The following MBOAT7 variants were observed in gnomAD, a reference collection of about 807,000 sequenced individuals.
MBOAT7 encodes the protein membrane bound acylglycerophosphatidylinositol O-acyltransferase MBOAT7.
A neutral mutation model predicts 47.4 loss-of-function variants in MBOAT7; 40 were observed. The ratio of observed to expected loss-of-function variants is 0.84; its 90% confidence interval spans 0.66 to 1.10. The LOEUF is 1.10. Ranked by LOEUF, MBOAT7 falls within the 50% of genes least tolerant of loss-of-function variation. The probability of loss-of-function intolerance (pLI) is 0.00; values close to 1 mark genes in which losing one functional copy is unlikely to be tolerated. For synonymous variants in MBOAT7, 361 were observed against 292.0 expected (o/e 1.24, Z -2.41); for missense variants, 680 against 655.6 (o/e 1.04, Z -0.41).
At chr19:54,174,475 C>T (rs763168141) in intron 7 of MBOAT7, 44 bp from the exon 8 acceptor site, 1 of 1,475,402 alleles carries the variant, frequency 6.8e-7, no homozygotes, top group Non-Finnish European at 8.9e-7. Context: ...TCCAGGTCCC[C>T]AGTGCCCACT....
At chr19:54,174,540 T>C (rs1358048361) in intron 7 of MBOAT7, 109 bp from the exon 8 acceptor site, 10 of 1,165,654 alleles carry the variant, frequency 8.6e-6, no homozygotes, top group Non-Finnish European at 1.1e-5. Context: ...GACCGAGAAG[T>C]GCAGGCCCAG....
rs2076204184 is a variant in MBOAT7, at chr19:54,179,339, T to C, written c.855-398A>G. ...GCAGTTGCCAGGGAAGTTGTGGTTA[T>C]CATCCCTAATAACAAGGTGCTTCAC... On this transcript the variant is annotated intron_variant, in intron 6 of 7. Transcript: ENST00000245615. The C allele has an allele frequency of 1.3e-5, 3 of 235,248 alleles. No homozygotes were observed. The South Asian group carries it at 3.0e-4, about 24-fold the overall frequency. 14.6% of individuals were successfully genotyped at this position (235,248 alleles called of 1,614,324 possible). A position where few individuals can be genotyped will look rare whatever the true frequency, so the allele number is the denominator to read the frequency against.
intron 3 of MBOAT7, among the ~76,000 whole-genome samples, chr19:54,187,620 G>A (rs1050547066): frequency 1.3e-5 from 2 of 152,156 alleles, no homozygotes; most frequent in South Asian, 2.1e-4. Flanking sequence ...GAATATGAAC[G>A]GTGGCCAGGC....
chr19:54,188,015 C>CAAGAAAGAAAGAAAAAGAA (rs1491140764), intron 3 of MBOAT7, among the ~76,000 whole-genome samples: 1 of 78,328 alleles, frequency 1.3e-5, no homozygotes, highest in African/African-American at 5.3e-5. Context: ...AACTCCATCT[C>CAAGAAAGAAAGAAAAAGAA]AGAAAGAAAG....
intron 3 of MBOAT7, 73 bp from the exon 4 acceptor site, chr19:54,187,360 G>A: frequency 2.7e-6 from 4 of 1,482,228 alleles, no homozygotes; most frequent in Non-Finnish European, 3.6e-6. Context: ...CACGAGTCCA[G>A]CCACCAATCC....
At chr19:54,188,882 C>A (rs1378044513) in intron 1 of MBOAT7, among the ~76,000 whole-genome samples, 8 of 152,132 alleles carry the variant, frequency 5.3e-5, no homozygotes, top group Admixed American at 2.6e-4. Flanking sequence ...CTTTTAAAAA[C>A]CCAGAAACGG....
At chr19:54,183,424 G>C in intron 5 of MBOAT7, 97 bp downstream of exon 5, 2 of 1,393,112 alleles carry the variant, frequency 1.4e-6, no homozygotes, top group African/African-American at 1.5e-5. Flanking sequence ...CTAGGATGGA[G>C]GTTGCCCTGG....
chr19:54,188,212 C>T lies in MBOAT7; in HGVS notation c.206+5G>A. The T allele has an allele frequency of 1.3e-6, 2 of 1,598,910 alleles. No homozygotes were observed. Among genetic ancestry groups the T allele is most frequent in the East Asian group, 2.2e-5 (1 of 44,654 alleles). On this transcript the variant is annotated splice_donor_5th_base_variant and intron_variant, in intron 3 of 7. Coordinates refer to ENST00000245615, the MANE Select transcript of MBOAT7 (RefSeq NM_024298.5). ...CTCCCTCTCCTCCCTCCACCAAATT[C>T]TCACCAGGGCTGGGCCTGAATGAGG...
At chr19:54,177,722 G>A (rs982901552) in intron 7 of MBOAT7, among the ~76,000 whole-genome samples, 3 of 151,440 alleles carry the variant, frequency 2.0e-5, no homozygotes, top group East Asian at 1.9e-4. Flanking sequence ...GATTATAGGC[G>A]CCCGCCACCA....
At chr19:54,186,272 C>T (rs2076425164) in intron 4 of MBOAT7, among the ~76,000 whole-genome samples, 1 of 152,164 alleles carries the variant, frequency 6.6e-6, no homozygotes, top group African/African-American at 2.4e-5. Context: ...GCCTCAGCCT[C>T]CCAAAGTGCT....
Position 54,180,949 on chromosome 19 carries a change from C to T in MBOAT7, c.678G>A (p.Pro226=), listed in dbSNP as rs529954463. 23 of 1,582,884 alleles carry T rather than the reference C, an allele frequency of 1.5e-5. No homozygotes were observed. In the Admixed American group the frequency reaches 1.7e-4, roughly 12 times the overall value. ...TCATGTAGAAGAGGCGGGCGGGCAG[C>T]GGGCGGGCGTAGAAGGCGTCCTCGC... ...AVREDAFYAR[P]LPARLFYMIP... Residue 226 remains proline, a synonymous_variant, in exon 6 of 8, where the codon CCG becomes CCA. Transcript: ENST00000245615. This position sits in a 1 kb window ranked among gnomAD's most constrained non-coding sequence, Gnocchi z 5.2.
intron 5 of MBOAT7, among the ~76,000 whole-genome samples, chr19:54,181,765 G>A (rs12974944): frequency 1.2e-4 from 3 of 24,788 alleles, no homozygotes; most frequent in Non-Finnish European, 2.3e-4. Flanking sequence ...GAAGGAAGGA[G>A]GGAGGGAAGG....
intron 7 of MBOAT7, among the ~76,000 whole-genome samples, chr19:54,175,046 G>C (rs1301751352): frequency 6.7e-6 from 1 of 149,748 alleles, no homozygotes; most frequent in Admixed American, 6.6e-5. Flanking sequence ...CGCGATCTTG[G>C]CTCACTGCAA....
At chr19:54,179,016 C>T (rs1215260320) in intron 6 of MBOAT7, 75 bp from the exon 7 acceptor site, 1 of 1,553,018 alleles carries the variant, frequency 6.4e-7, no homozygotes, top group Non-Finnish European at 8.7e-7. Flanking sequence ...TGCTAGTGTC[C>T]CAGCCCCGGA....
In MBOAT7 at chr19:54,174,308, CCCCCGCAGGGCTGACTCCAGCCGG is replaced by C; in HGVS notation, c.1131_1154del (p.Glu380_Leu387del). 1 of 1,613,214 alleles carries C rather than the reference CCCCCGCAGGGCTGACTCCAGCCGG, an allele frequency of 6.2e-7. No individual in the cohort carries two copies. The highest frequency in any genetic ancestry group is 8.5e-7 in the Non-Finnish European group (1 of 1,179,538). ...CCTTCTGGCCCCCTGGGCTCAGCCG[CCCCCGCAGGGCTGACTCCAGCCGG>C]CCCTCGGCAGCCAGGCACAGCGGGA... On this transcript the variant is annotated inframe_deletion, in exon 8 of 8. Coordinates refer to ENST00000245615, the MANE Select transcript of MBOAT7 (RefSeq NM_024298.5).
intron 7 of MBOAT7, among the ~76,000 whole-genome samples, chr19:54,175,260 C>CACG (rs2076074947): frequency 2.6e-5 from 4 of 152,240 alleles, no homozygotes; most frequent in South Asian, 4.1e-4. Flanking sequence ...TCACAGGTGT[C>CACG]AGACACCACA....
intron 7 of MBOAT7, chr19:54,178,281 G>T (rs1158342770): frequency 1.0e-5 from 10 of 999,296 alleles, no homozygotes; most frequent in Non-Finnish European, 1.2e-5. Flanking sequence ...AATATTGGAA[G>T]AATGAAAAAC....
chr19:54,182,607 A>G (rs944171584), intron 5 of MBOAT7, among the ~76,000 whole-genome samples: 8 of 152,078 alleles, frequency 5.3e-5, no homozygotes. Context: ...AAAACCTTTG[A>G]TGAGGTAAAC....
At chr19:54,177,623 C>T (rs923934444) in intron 7 of MBOAT7, among the ~76,000 whole-genome samples, 2 of 152,056 alleles carry the variant, frequency 1.3e-5, no homozygotes, top group African/African-American at 4.8e-5. Flanking sequence ...GACAAAGTCT[C>T]TCTCTGTTGC....
Sources: allele counts gnomAD v4.1 joint callset (sites outside exome capture counted in the v4.1 genomes callset), GRCh38; gene constraint gnomAD v4.1.1; non-coding constraint Gnocchi (gnomAD v3.1); transcripts MANE v1.5; gene names NCBI Gene and HGNC (gene_info 2026-07-23, HGNC 2026-07-21).